Variants in LACTBL1 observed in about 807,000 individuals in gnomAD.
The protein encoded by LACTBL1 is beta-lactamase-like protein 1.
In LACTBL1, 29 loss-of-function variants were observed where a neutral mutation model predicts 39.6. That is an observed-to-expected ratio of 0.73 (90% CI 0.55 to 1.00). The LOEUF (loss-of-function observed/expected upper bound fraction) is 1.00. LACTBL1 is among the 50% of genes least tolerant of loss of function. The pLI, the probability that LACTBL1 is intolerant of heterozygous loss-of-function variation, is 0.00. For synonymous variants in LACTBL1, 361 were observed against 360.7 expected, an observed-to-expected ratio of 1.00 and a Z score of -0.01; for missense variants, 711 against 748.5, an observed-to-expected ratio of 0.95 and a Z score of 0.59.
chr1:22,959,998 C>T, exon 3 of LACTBL1: 1 of 1,551,150 alleles, frequency 6.4e-7, no homozygotes, highest in African/African-American at 1.4e-5. Flanking sequence ...CATTCTTCTT[C>T]CCAAAGTTCC....
At chr1:22,972,039 G>A in the LACTBL1 span, among the ~76,000 whole-genome samples, 3 of 152,112 alleles carry the variant, frequency 2.0e-5, no homozygotes, top group Admixed American at 2.0e-4. Flanking sequence ...CTCTGGGGAT[G>A]TAAAAAGGAA....
At chr1:22,959,526 C>T (rs944549578) in intron 3 of LACTBL1, among the ~76,000 whole-genome samples, 1 of 152,268 alleles carries the variant, frequency 6.6e-6, no homozygotes, top group African/African-American at 2.4e-5. Context: ...GAAGGGGAGA[C>T]TCCAGATATG....
intron 2 of LACTBL1, among the ~76,000 whole-genome samples, chr1:22,961,330 T>G (rs1640820255): frequency 6.6e-6 from 1 of 152,154 alleles, no homozygotes; most frequent in Non-Finnish European, 1.5e-5. Context: ...TGGAACCCTG[T>G]GCTAAGTCCA....
chr1:22,961,652 C>A (rs1640823349), intron 2 of LACTBL1, among the ~76,000 whole-genome samples: 1 of 152,130 alleles, frequency 6.6e-6, no homozygotes, highest in African/African-American at 2.4e-5. Context: ...GCACGAGCCA[C>A]CGCACCTGGC....
chr1:22,953,201 G>A (rs1169589294), exon 6 of LACTBL1: 8 of 1,232,040 alleles, frequency 6.5e-6, no homozygotes, highest in African/African-American at 3.1e-5. Flanking sequence ...GCGTCGCCGA[G>A]TGGCAGTGCG....
In LACTBL1 at chr1:22,954,043, C is replaced by T; in HGVS notation, c.660-19G>A. On this transcript the variant is annotated intron_variant, in intron 5 of 5. Coordinates refer to ENST00000426928, the Ensembl canonical transcript of LACTBL1. ...ATGGCATCTGGAAGGAGAGCAGTGG[C>T]AAGTGGGACGGGGCCCTTCCTCACC... 4.6e-6 allele frequency: 7 copies of T among 1,508,468 alleles called. No homozygotes were observed. Among genetic ancestry groups the T allele is most frequent in the Non-Finnish European group, 6.2e-6 (7 of 1,122,770 alleles). The allele number at this position is 1,508,468 out of a possible 1,614,324, so 93.4% of individuals were successfully genotyped here.
At chr1:22,954,622 A>G (rs1477197206) in intron 5 of LACTBL1, among the ~76,000 whole-genome samples, 1 of 152,184 alleles carries the variant, frequency 6.6e-6, no homozygotes, top group East Asian at 1.9e-4. Flanking sequence ...GATGAGTTTC[A>G]CAGAGATAAA....
At chr1:22,958,416 A>G (rs1319183837) in intron 4 of LACTBL1, among the ~76,000 whole-genome samples, 1 of 152,188 alleles carries the variant, frequency 6.6e-6, no homozygotes, top group Non-Finnish European at 1.5e-5. Flanking sequence ...CTCTTGCCTT[A>G]TCAACTTCAT....
chr1:22,959,953 G>A (rs1640802854), exon 3 of LACTBL1: 7 of 1,551,146 alleles, frequency 4.5e-6, no homozygotes, highest in Non-Finnish European at 6.1e-6. Context: ...TGTACATGGT[G>A]TACTCATTGG....
intron 3 of LACTBL1, among the ~76,000 whole-genome samples, chr1:22,959,470 G>C (rs1403019691): frequency 6.6e-6 from 1 of 152,230 alleles, no homozygotes; most frequent in Admixed American, 6.5e-5. Context: ...GAACAAATGT[G>C]TTCACTCTGC....
At chr1:22,971,877 T>C in the LACTBL1 span, among the ~76,000 whole-genome samples, 1 of 152,208 alleles carries the variant, frequency 6.6e-6, no homozygotes, top group Non-Finnish European at 1.5e-5. Context: ...GCAAAGCCCA[T>C]AGAGAGCTGT....
chr1:22,972,495 G>A, the LACTBL1 span: 13 of 926,112 alleles, frequency 1.4e-5, no homozygotes, highest in Non-Finnish European at 1.7e-5. Flanking sequence ...AGGATGCGGG[G>A]GATCAAAGCA....
intron 2 of LACTBL1, among the ~76,000 whole-genome samples, chr1:22,961,654 G>A (rs991842623): frequency 7.9e-5 from 12 of 151,816 alleles, no homozygotes; most frequent in African/African-American, 1.9e-4. Context: ...ACGAGCCACC[G>A]CACCTGGCCC....
At chr1:22,953,993 G>A (rs866785999) in exon 6 of LACTBL1, 1 of 1,543,992 alleles carries the variant, frequency 6.5e-7, no homozygotes. Flanking sequence ...ACGTGGGCCA[G>A]GAGCGAGAAG....
chr1:22,962,500 C>T (rs1364931116), intron 2 of LACTBL1, among the ~76,000 whole-genome samples: 1 of 152,156 alleles, frequency 6.6e-6, no homozygotes, highest in Non-Finnish European at 1.5e-5. Context: ...GTTTGGCCAT[C>T]CTGCAATGGT....
rs72873475 is a variant in LACTBL1, at chr1:22,960,310, A to G, written c.160-211T>C. ...GTTTCTTAGCAAAATAAAAAAGGAG[A>G]GGGGGTTAAAACGACTGCTTTAAGG... On this transcript the variant is annotated intron_variant, in intron 2 of 5. Coordinates refer to ENST00000426928, the Ensembl canonical transcript of LACTBL1. Among the ~76,000 whole-genome samples, 1,065 of 152,220 alleles carry G rather than the reference A, an allele frequency of 7.0e-3. 13 individuals carry two copies. The highest frequency in any genetic ancestry group is 0.024 in the African/African-American group (1,000 of 41,524).
At chr1:22,960,188 C>G in intron 2 of LACTBL1, 89 bp from the exon 5 acceptor site, 1 of 1,461,040 alleles carries the variant, frequency 6.8e-7, no homozygotes. Context: ...CATAGTCACA[C>G]CCTGCATGCA....
chr1:22,966,087 A>T (rs951870776), upstream of LACTBL1, among the ~76,000 whole-genome samples: 1 of 152,226 alleles, frequency 6.6e-6, no homozygotes, highest in Non-Finnish European at 1.5e-5. Context: ...GGTGAATTTT[A>T]TGTCATATGA....
intron 4 of LACTBL1, among the ~76,000 whole-genome samples, chr1:22,956,888 T>C (rs1230775928): frequency 3.9e-5 from 6 of 152,082 alleles, no homozygotes; most frequent in South Asian, 2.1e-4. Context: ...AATCAAAGAG[T>C]ATACAATGGA....
Sources: gnomAD v4.1 joint callset for allele counts (sites outside exome capture counted in the v4.1 genomes callset) on GRCh38, gnomAD v4.1.1 for gene constraint, MANE v1.5 for transcripts, NCBI Gene and HGNC (gene_info 2026-07-23, HGNC 2026-07-21) for gene names.